The following GRID2 variants were observed in gnomAD, a reference collection of about 807,000 sequenced individuals.
GRID2 encodes the protein glutamate receptor ionotropic, delta-2.
GRID2 carries 33 observed loss-of-function variants against 114.8 expected under a neutral mutation model. That is an observed-to-expected ratio of 0.29 (90% CI 0.22 to 0.38). The LOEUF is 0.38. Among genes scored for constraint, GRID2 ranks in the 10% least tolerant of loss-of-function variants. The pLI, the probability that GRID2 is intolerant of heterozygous loss-of-function variation, is 1.00. For synonymous variants in GRID2, 505 were observed against 449.9 expected (o/e 1.12, Z -1.55); for missense variants, 1,184 against 1,257.7 (o/e 0.94, Z 0.89).
intron 2 of GRID2, among the ~76,000 whole-genome samples, chr4:92,782,607 T>G (rs1739136105): frequency 6.6e-6 from 1 of 152,142 alleles, no homozygotes; most frequent in Admixed American, 6.6e-5. Flanking sequence ...TTGGAAGACT[T>G]TAATTACTAG....
Position 92,384,608 on chromosome 4 carries a change from A to ATGTT in GRID2, c.88+79864_88+79865insTGTT, listed in dbSNP as rs1560599172. On this transcript the variant is annotated intron_variant, in intron 1 of 15. Transcript: ENST00000282020. ...TTATATTATATATAACATAATATATAATATATGTTATATATTATATATAAT... is the reference window on the plus strand; with the variant it reads ...TTATATTATATATAACATAATATATATGTTATATATGTTATATATTATATATAAT... Among the ~76,000 whole-genome samples, 27 of 53,672 alleles carry ATGTT rather than the reference A, an allele frequency of 5.0e-4. No homozygotes were observed. The East Asian group carries it at 0.014, about 28-fold the overall frequency. The allele number at this position is 53,672 out of a possible 152,430, so 35.2% of individuals were successfully genotyped here.
At chr4:93,108,549 T>C (rs1227780340) in intron 3 of GRID2, among the ~76,000 whole-genome samples, 1 of 152,198 alleles carries the variant, frequency 6.6e-6, no homozygotes, top group African/African-American at 2.4e-5. Flanking sequence ...TATTCAGATG[T>C]ACAATTTAAG....
intron 2 of GRID2, among the ~76,000 whole-genome samples, chr4:92,742,456 A>C (rs2149332551): frequency 6.6e-6 from 1 of 152,056 alleles, no homozygotes; most frequent in Admixed American, 6.6e-5. Flanking sequence ...TATTTTTGGA[A>C]ATTTCCCTTA....
At chr4:92,513,958 TA>T (rs1445851122) in intron 1 of GRID2, among the ~76,000 whole-genome samples, 1 of 151,920 alleles carries the variant, frequency 6.6e-6, no homozygotes, top group African/African-American at 2.4e-5. Context: ...AATAAAAAGT[TA>T]AGAGCTGATA....
At chr4:93,105,026 T>A (rs1291768588) in intron 3 of GRID2, among the ~76,000 whole-genome samples, 3 of 151,964 alleles carry the variant, frequency 2.0e-5, no homozygotes, top group East Asian at 3.9e-4. Flanking sequence ...GGTATCTCAT[T>A]GTGGTTTTGA....
intron 13 of GRID2, among the ~76,000 whole-genome samples, chr4:93,604,381 C>T (rs1671999418): frequency 6.6e-6 from 1 of 152,118 alleles, no homozygotes; most frequent in Admixed American, 6.5e-5. Flanking sequence ...TTGCTGCAAT[C>T]TTGTGATGAA....
At chr4:93,451,520 A>C (rs768568202) in intron 10 of GRID2, among the ~76,000 whole-genome samples, 2 of 152,114 alleles carry the variant, frequency 1.3e-5, no homozygotes, top group Non-Finnish European at 2.9e-5. Flanking sequence ...GGGATAGCCT[A>C]CGTAAAGGTG....
intron 2 of GRID2, among the ~76,000 whole-genome samples, chr4:92,903,382 A>C (rs1747722357): frequency 6.6e-6 from 1 of 151,960 alleles, no homozygotes; most frequent in South Asian, 2.1e-4. Flanking sequence ...TAGATTTTCC[A>C]TAACCTTTTT....
At chr4:93,021,069 T>C (rs1174257836) in intron 2 of GRID2, among the ~76,000 whole-genome samples, 3 of 151,500 alleles carry the variant, frequency 2.0e-5, no homozygotes, top group Non-Finnish European at 4.4e-5. Flanking sequence ...ATTTTAAAAA[T>C]CAGTAATTAA....
chr4:93,398,656 C>G (rs1424412468), intron 9 of GRID2, among the ~76,000 whole-genome samples: 1 of 151,714 alleles, frequency 6.6e-6, no homozygotes, highest in East Asian at 1.9e-4. Context: ...ACCCCAGGTT[C>G]ACCTTCATGA....
At chr4:92,344,155 A>AT (rs1290132941) in intron 1 of GRID2, among the ~76,000 whole-genome samples, 1 of 152,146 alleles carries the variant, frequency 6.6e-6, no homozygotes, top group Middle Eastern at 3.4e-3. Context: ...ACAATATACA[A>AT]TTTTTTTAAT....
chr4:93,467,636 G>A (rs1182604887), intron 11 of GRID2, among the ~76,000 whole-genome samples: 1 of 152,152 alleles, frequency 6.6e-6, no homozygotes. Context: ...TGATTAAAGG[G>A]TTAAGGCCAC....
intron 8 of GRID2, among the ~76,000 whole-genome samples, chr4:93,370,516 G>T (rs1009469295): frequency 8.0e-5 from 12 of 150,618 alleles, no homozygotes; most frequent in Admixed American, 3.3e-4. Flanking sequence ...CGCACACACA[G>T]TTCCTTGATA....
At chr4:93,588,430 TA>T (rs1314043198) in intron 13 of GRID2, among the ~76,000 whole-genome samples, 2 of 152,172 alleles carry the variant, frequency 1.3e-5, no homozygotes, top group Non-Finnish European at 2.9e-5. Flanking sequence ...AGATAACCTA[TA>T]AGCCAATGCA....
intron 1 of GRID2, among the ~76,000 whole-genome samples, chr4:92,314,756 C>G (rs1260116429): frequency 6.6e-6 from 1 of 152,118 alleles, no homozygotes; most frequent in Non-Finnish European, 1.5e-5. Context: ...CAAGATATCT[C>G]ATTGTTTATA....
intron 1 of GRID2, among the ~76,000 whole-genome samples, chr4:93,791,017 G>T (rs1276751155): frequency 6.6e-6 from 1 of 152,162 alleles, no homozygotes; most frequent in South Asian, 2.1e-4. Context: ...ACAAATTTCT[G>T]TTTAATATAA....
intron 13 of GRID2, among the ~76,000 whole-genome samples, chr4:93,593,275 G>T (rs1738610772): frequency 6.9e-6 from 1 of 144,974 alleles, no homozygotes; most frequent in Non-Finnish European, 1.5e-5. Context: ...TTCAGCATTT[G>T]CTTGTCTGTA....
chr4:92,967,625 G>A (rs1032897809), intron 2 of GRID2, among the ~76,000 whole-genome samples: 8 of 151,868 alleles, frequency 5.3e-5, no homozygotes, highest in East Asian at 1.9e-4. Context: ...GAAGCATTTC[G>A]TGAGTTCTAA....
intron 8 of GRID2, among the ~76,000 whole-genome samples, chr4:93,381,157 A>G (rs1012627132): frequency 5.3e-5 from 8 of 152,074 alleles, no homozygotes; most frequent in Non-Finnish European, 1.0e-4. Context: ...TGCATCCATC[A>G]TCACCCATCT....
Sources: allele counts gnomAD v4.1 joint callset (sites outside exome capture counted in the v4.1 genomes callset), GRCh38; gene constraint gnomAD v4.1.1; transcripts MANE v1.5; gene names NCBI Gene and HGNC (gene_info 2026-07-23, HGNC 2026-07-21).